RBPJ: variants seen among roughly 807,000 people sequenced by gnomAD.
The protein encoded by RBPJ is recombination signal binding protein for immunoglobulin kappa J region, also known as recombining binding protein suppressor of hairless.
In RBPJ, 9 loss-of-function variants were observed where a neutral mutation model predicts 67.8. The observed-to-expected ratio is 0.13, with a 90% CI of 0.08 to 0.23. The LOEUF is 0.23. RBPJ is among the 10% of genes least tolerant of loss of function. The pLI is 1.00. For synonymous variants in RBPJ, 198 were observed against 203.3 expected, an observed-to-expected ratio of 0.97 and a Z score of 0.22; for missense variants, 305 against 595.6, an observed-to-expected ratio of 0.51 and a Z score of 5.08.
intron 1 of RBPJ, among the ~76,000 whole-genome samples, chr4:26,199,905 C>T (rs10005500): frequency 0.11 from 17,190 of 152,192 alleles, 1,234 homozygotes; most frequent in African/African-American, 0.2. Context: ...TGGCCAGAAC[C>T]GTTCAGTCGA....
At chr4:26,195,556 C>T (rs139627601) in intron 1 of RBPJ, among the ~76,000 whole-genome samples, 1 of 152,034 alleles carries the variant, frequency 6.6e-6, no homozygotes, top group Non-Finnish European at 1.5e-5. Flanking sequence ...AGGTCTATAT[C>T]GAACTTCGAA....
At chr4:26,260,051 C>T (rs960621053) in intron 1 of RBPJ, among the ~76,000 whole-genome samples, 2 of 152,186 alleles carry the variant, frequency 1.3e-5, no homozygotes, top group African/African-American at 4.8e-5. Context: ...CAAACTAGAT[C>T]TTGTTCAGAC....
At chr4:26,201,329 C>T (rs2109154380) in intron 1 of RBPJ, among the ~76,000 whole-genome samples, 1 of 152,254 alleles carries the variant, frequency 6.6e-6, no homozygotes. Context: ...TTTTACTTAA[C>T]TGGGTGACAT....
chr4:26,109,498 A>G, the RBPJ span, among the ~76,000 whole-genome samples: 1 of 85,096 alleles, frequency 1.2e-5, no homozygotes, highest in East Asian at 2.8e-4. Flanking sequence ...ATATACACAC[A>G]CACATATATA....
chr4:26,113,078 A>C, the RBPJ span: 12 of 171,048 alleles, frequency 7.0e-5, no homozygotes, highest in East Asian at 1.9e-3. Context: ...TTGTGAATGC[A>C]ATGAATATGG....
At chr4:26,116,936 AC>A in the RBPJ span, among the ~76,000 whole-genome samples, 1 of 152,166 alleles carries the variant, frequency 6.6e-6, no homozygotes, top group African/African-American at 2.4e-5. Flanking sequence ...ATGCACGGGA[AC>A]CTTTGTGTAA....
At chr4:26,285,987 T>G (rs1289247588) in intron 1 of RBPJ, among the ~76,000 whole-genome samples, 4 of 140,942 alleles carry the variant, frequency 2.8e-5, no homozygotes, top group Non-Finnish European at 6.4e-5. Flanking sequence ...TAGTGGCGTA[T>G]GCCTGTAGTC....
At chr4:26,358,393 G>T (rs1263763155) in intron 1 of RBPJ, among the ~76,000 whole-genome samples, 1 of 152,044 alleles carries the variant, frequency 6.6e-6, no homozygotes, top group African/African-American at 2.4e-5. Context: ...ACTTTGAAGT[G>T]TCCAAAACAG....
chr4:26,398,624 T>A (rs1732413712), intron 2 of RBPJ, among the ~76,000 whole-genome samples: 1 of 152,214 alleles, frequency 6.6e-6, no homozygotes, highest in South Asian at 2.1e-4. Context: ...ATTCTGTTTT[T>A]CTTTTTGGAA....
chr4:26,125,940 G>C, the RBPJ span, among the ~76,000 whole-genome samples: 16 of 152,254 alleles, frequency 1.1e-4, no homozygotes, highest in South Asian at 3.3e-3. Context: ...CTCTCTCCAG[G>C]TGTGCGGATG....
rs1736251777 is a variant in RBPJ, at chr4:26,431,697, A to G, written c.*690A>G. On this transcript the variant is annotated 3_prime_UTR_variant, in exon 11 of 11. Coordinates refer to ENST00000355476, the MANE Select transcript of RBPJ (RefSeq NM_015874.6). Reference sequence around the variant, plus strand: ...AGTCAAATCTTGCAAAGGCCTGCATATTTTTTTTAAGATTATATGAAGTCT... The same window carrying G: ...AGTCAAATCTTGCAAAGGCCTGCATGTTTTTTTTAAGATTATATGAAGTCT... 6.6e-6 allele frequency: 1 copy of G among 151,240 alleles called. No homozygotes were observed. The highest frequency in any genetic ancestry group is 2.4e-5 in the African/African-American group (1 of 41,134). 9.4% of individuals were successfully genotyped at this position (151,240 alleles called of 1,614,324 possible). A position where few individuals can be genotyped will look rare whatever the true frequency, so the allele number is the denominator to read the frequency against.
Position 26,201,549 on chromosome 4 carries a change from A to C in RBPJ, c.-167+37935A>C, listed in dbSNP as rs1159575818. On this transcript the variant is annotated intron_variant, in intron 1 of 4. Transcript: ENST00000512351. Reference sequence around the variant, plus strand: ...TTTCACTCCACAGCTTCATTGCAAAACCCCCACCGTTCTCCCACTTTTACC... The same window carrying C: ...TTTCACTCCACAGCTTCATTGCAAACCCCCCACCGTTCTCCCACTTTTACC... 3.3e-5 allele frequency among the ~76,000 whole-genome samples: 5 copies of C among 150,828 alleles called. No individual in the cohort carries two copies. The East Asian group carries it at 9.7e-4, about 29-fold the overall frequency.
At chr4:26,190,804 T>C (rs1479932992) in intron 1 of RBPJ, among the ~76,000 whole-genome samples, 2 of 151,974 alleles carry the variant, frequency 1.3e-5, no homozygotes, top group Non-Finnish European at 2.9e-5. Context: ...TCAGCTTTGT[T>C]TGGGGTTTTG....
upstream of RBPJ, among the ~76,000 whole-genome samples, chr4:26,316,658 A>G (rs1343437987): frequency 1.6e-5 from 2 of 124,660 alleles, no homozygotes; most frequent in African/African-American, 7.6e-5. Flanking sequence ...ACATATTGAT[A>G]TATATATATA....
chr4:26,418,087 A>G (rs1217397538), intron 4 of RBPJ, among the ~76,000 whole-genome samples: 1 of 152,234 alleles, frequency 6.6e-6, no homozygotes, highest in Non-Finnish European at 1.5e-5. Context: ...TAAACATCAT[A>G]TACTCTTGGT....
At chr4:26,222,209 T>G (rs1246620923) in intron 1 of RBPJ, among the ~76,000 whole-genome samples, 1 of 152,154 alleles carries the variant, frequency 6.6e-6, no homozygotes, top group Non-Finnish European at 1.5e-5. Context: ...AAAGCACATT[T>G]CAGGCCGGGC....
chr4:26,386,430 T>G (rs562450921), intron 2 of RBPJ, 39 bp downstream of exon 2: 1 of 1,331,344 alleles, frequency 7.5e-7, no homozygotes, highest in Admixed American at 1.9e-5. Context: ...ACATACATTT[T>G]ATGAAAGTAT....
chr4:26,332,506 C>T (rs1724364733), intron 1 of RBPJ, among the ~76,000 whole-genome samples: 3 of 151,980 alleles, frequency 2.0e-5, no homozygotes, highest in South Asian at 4.1e-4. Context: ...TAATTTTTAG[C>T]TTGTTTTCAT....
chr4:26,140,841 A>ATAAC, the RBPJ span, among the ~76,000 whole-genome samples: 1 of 150,124 alleles, frequency 6.7e-6, no homozygotes, highest in Non-Finnish European at 1.5e-5. Flanking sequence ...CCACAAATAA[A>ATAAC]TAAATAAATA....
Sources: allele counts gnomAD v4.1 joint callset (sites outside exome capture counted in the v4.1 genomes callset), GRCh38; gene constraint gnomAD v4.1.1; transcripts MANE v1.5; gene names NCBI Gene and HGNC (gene_info 2026-07-23, HGNC 2026-07-21).